The following ARRDC5 variants were observed in gnomAD, a reference collection of about 807,000 sequenced individuals.
ARRDC5 encodes arrestin domain containing 5, also known as arrestin domain-containing protein 5.
A neutral mutation model predicts 13.3 loss-of-function variants in ARRDC5; 12 were observed. The ratio of observed to expected loss-of-function variants is 0.90; its 90% CI spans 0.58 to 1.46. The LOEUF (loss-of-function observed/expected upper bound fraction) is 1.46, where lower values mean the gene tolerates loss of function less well. Ranked by LOEUF, ARRDC5 falls within the 40% of genes most tolerant of loss-of-function variation. The pLI, the probability that ARRDC5 is intolerant of heterozygous loss-of-function variation, is 0.00. For synonymous variants in ARRDC5, 181 were observed against 173.4 expected (o/e 1.04, Z -0.34); for missense variants, 406 against 418.7 (o/e 0.97, Z 0.26).
chr19:4,899,696 G>C (rs1478534166), intron 1 of ARRDC5, among the ~76,000 whole-genome samples: 1 of 149,850 alleles, frequency 6.7e-6, no homozygotes, highest in African/African-American at 2.5e-5. Context: ...CTGGGAGGCC[G>C]AGGCGGGTGG....
At chr19:4,909,812 C>T in the ARRDC5 span, 2 of 433,580 alleles carry the variant, frequency 4.6e-6, no homozygotes, top group South Asian at 5.4e-5. Context: ...CCTCGGGAAT[C>T]GTTCCCCGGC....
At position 4,902,521 on chromosome 19, in the gene ARRDC5, C is replaced by T. The variant is rs991104162; in HGVS notation, c.253+52G>A. ...ATTGACTCTCGGATGTGTTTATTTT[C>T]CAGACCCAGGTTCCTGTCATGGCTA... is the stretch of plus-strand genomic sequence containing the variant. On this transcript the variant is annotated intron_variant, in intron 1 of 2. Transcript: ENST00000650722. 6 of 1,568,714 alleles carry T rather than the reference C, an allele frequency of 3.8e-6. No homozygotes were observed. In the Admixed American group the frequency reaches 1.0e-4, roughly 27 times the overall value.
Position 4,899,716 on chromosome 19 carries a change from T to A in ARRDC5, c.254-2840A>T, listed in dbSNP as rs1448044360. On this transcript the variant is annotated intron_variant, in intron 1 of 2. Transcript: ENST00000650722. ...AGGCCGAGGCGGGTGGATCATGAGG[T>A]CAGGAGATCGAGACCATCCTGGTTA... Among the ~76,000 whole-genome samples, 6 of 128,038 alleles carry A rather than the reference T, an allele frequency of 4.7e-5. No homozygotes were observed. In the Admixed American group the frequency reaches 5.7e-4, roughly 12 times the overall value. 84.0% of individuals were successfully genotyped at this position (128,038 alleles called of 152,430 possible).
chr19:4,895,171 C>T (rs1047036506), intron 2 of ARRDC5, among the ~76,000 whole-genome samples: 8 of 151,736 alleles, frequency 5.3e-5, no homozygotes, highest in Non-Finnish European at 1.2e-4. Context: ...CCTGTAATCC[C>T]AGCACTTTGG....
At chr19:4,914,840 C>T in the ARRDC5 span, among the ~76,000 whole-genome samples, 4 of 152,124 alleles carry the variant, frequency 2.6e-5, no homozygotes, top group Admixed American at 6.6e-5. Flanking sequence ...CAGCGCAGTG[C>T]GAATTCAATG....
At chr19:4,901,548 A>G (rs1382711217) in intron 1 of ARRDC5, among the ~76,000 whole-genome samples, 1 of 152,052 alleles carries the variant, frequency 6.6e-6, no homozygotes, top group Non-Finnish European at 1.5e-5. Flanking sequence ...CGGGAGGCGG[A>G]GCTTGCAGCG....
At chr19:4,891,838 C>G (rs2146239803) in intron 2 of ARRDC5, among the ~76,000 whole-genome samples, 1 of 151,824 alleles carries the variant, frequency 6.6e-6, no homozygotes, top group South Asian at 2.1e-4. Flanking sequence ...CCCTGTAATC[C>G]CAGCTACTCA....
the ARRDC5 span, among the ~76,000 whole-genome samples, chr19:4,911,802 G>A: frequency 1.3e-5 from 2 of 152,174 alleles, no homozygotes; most frequent in Admixed American, 1.3e-4. Flanking sequence ...GGGGTTTCCC[G>A]GCAGGATGAG....
At chr19:4,899,186 C>T (rs947599915) in intron 1 of ARRDC5, among the ~76,000 whole-genome samples, 1 of 151,842 alleles carries the variant, frequency 6.6e-6, no homozygotes, top group Admixed American at 6.6e-5. Context: ...GTGGCGGGTG[C>T]CTGTAGTCCC....
In ARRDC5 at chr19:4,902,606, A is replaced by G. The variant is rs535265376; in HGVS notation, c.220T>C (p.Tyr74His). Residue 74 changes from tyrosine (Y) to histidine (H), a missense_variant, in exon 1 of 3, where the codon TAC (tyrosine) becomes CAC (histidine). By Grantham distance (83) the Tyr-to-His change is moderately conservative. Coordinates refer to ENST00000650722, the MANE Select transcript of ARRDC5 (RefSeq NM_001080523.3). ...GGGAATGTCTTTGTCTTATGCACGT[A>G]GTCTGCCTTGTTGTTGCAAATAACA... ...RNVICNNKAD[Y>H]VHKTKTFPVE... 47 of 1,613,956 alleles carry G rather than the reference A, an allele frequency of 2.9e-5. No individual in the cohort carries two copies. In the East Asian group the frequency reaches 1.0e-3, roughly 34 times the overall value.
At chr19:4,891,880 G>A (rs773817050) in intron 2 of ARRDC5, among the ~76,000 whole-genome samples, 2 of 151,048 alleles carry the variant, frequency 1.3e-5, no homozygotes, top group African/African-American at 2.4e-5. Context: ...TCTTGAACCC[G>A]GGAGGTGGAG....
chr19:4,911,126 TC>T, the ARRDC5 span: 137 of 1,167,254 alleles, frequency 1.2e-4, no homozygotes, highest in African/African-American at 2.4e-4. Context: ...CCCTCCCACC[TC>T]CCCCCCCAAC....
At chr19:4,910,475 C>T in the ARRDC5 span, 6 of 156,556 alleles carry the variant, frequency 3.8e-5, no homozygotes, top group African/African-American at 1.2e-4. Context: ...CCGCGCTGGA[C>T]TTCTGGGATT....
At chr19:4,896,356 TTTTTTACACACAC>T (rs1568395972) in intron 2 of ARRDC5, among the ~76,000 whole-genome samples, 1 of 98,436 alleles carries the variant, frequency 1.0e-5, no homozygotes, top group African/African-American at 4.5e-5. Context: ...ATATTTTTTT[TTTTTTACACACAC>T]ACACACACAC....
chr19:4,916,730 C>G, the ARRDC5 span, among the ~76,000 whole-genome samples: 2 of 152,248 alleles, frequency 1.3e-5, no homozygotes, highest in Non-Finnish European at 2.9e-5. Context: ...CTCCCTCCGT[C>G]TGTCTTGCCC....
At chr19:4,893,429 C>G (rs937380209) in intron 2 of ARRDC5, among the ~76,000 whole-genome samples, 27 of 149,526 alleles carry the variant, frequency 1.8e-4, no homozygotes, top group Non-Finnish European at 3.4e-4. Context: ...TCACTTGAAC[C>G]TGGGAGACTG....
chr19:4,902,562 C>T lies in ARRDC5; in HGVS notation c.253+11G>A, dbSNP rs753499403. ...GTCATGGCTAGGGGTGGCTGTTGGC[C>T]TCGTCCTTACCCTCCACTGGGAATG... On this transcript the variant is annotated intron_variant, in intron 1 of 2. Transcript: ENST00000650722. 1.1e-5 allele frequency: 18 copies of T among 1,612,044 alleles called. No individual in the cohort carries two copies. Among genetic ancestry groups the T allele is most frequent in the Non-Finnish European group, 1.5e-5 (18 of 1,178,472 alleles).
At chr19:4,896,348 A>ATTTTT (rs1225628606) in intron 2 of ARRDC5, among the ~76,000 whole-genome samples, 24 of 59,582 alleles carry the variant, frequency 4.0e-4, no homozygotes, top group African/African-American at 1.3e-3. Context: ...ATATATATAT[A>ATTTTT]TTTTTTTTTT....
At chr19:4,902,392 T>A (rs8107490) in intron 1 of ARRDC5, among the ~76,000 whole-genome samples, 181 bp downstream of exon 1, 2,221 of 152,326 alleles carry the variant, frequency 0.015, 48 homozygotes, top group African/African-American at 0.051. Context: ...TTATGTCTTG[T>A]TATTTTTGCG....
Sources: allele counts gnomAD v4.1 joint callset (sites outside exome capture counted in the v4.1 genomes callset), GRCh38; gene constraint gnomAD v4.1.1; transcripts MANE v1.5; gene names NCBI Gene and HGNC (gene_info 2026-07-23, HGNC 2026-07-21).